OTOF: variants seen among roughly 807,000 people sequenced by gnomAD.
OTOF encodes fer-1-like family member 2.
In OTOF, 218 loss-of-function variants were observed where a neutral mutation model predicts 236.8. That is an observed-to-expected ratio of 0.92 (90% CI 0.82 to 1.03). The LOEUF (loss-of-function observed/expected upper bound fraction) is 1.03, where lower values mean the gene tolerates loss of function less well. OTOF is among the 50% of genes least tolerant of loss of function. OTOF has a pLI of 0.00. For synonymous variants in OTOF, 1,041 were observed against 1,072.5 expected (o/e 0.97, Z 0.57); for missense variants, 2,590 against 2,694.4 (o/e 0.96, Z 0.86).
At position 26,558,658 on chromosome 2, in the gene OTOF, C is replaced by T; in HGVS notation, c.-87G>A. On this transcript the variant is annotated 5_prime_UTR_variant, in exon 1 of 47. Coordinates refer to ENST00000272371, the MANE Select transcript of OTOF (RefSeq NM_194248.3). ...CACGGCTCACACGCCTCTCTCTTCT[C>T]TGCCGCTGCCTCCTCCTCCTCCTCC... is the stretch of plus-strand genomic sequence containing the variant. 8.7e-7 allele frequency: 1 copy of T among 1,152,972 alleles called. No homozygotes were observed. Among genetic ancestry groups the T allele is most frequent in the Non-Finnish European group, 1.3e-6 (1 of 768,200 alleles). 71.4% of individuals were successfully genotyped at this position (1,152,972 alleles called of 1,614,324 possible).
intron 2 of OTOF, among the ~76,000 whole-genome samples, chr2:26,536,973 G>T (rs985343789): frequency 7.2e-5 from 11 of 152,196 alleles, no homozygotes; most frequent in African/African-American, 2.4e-4. Context: ...GCCAGGTACC[G>T]AGGGGAAGGG....
rs1047075430 is a variant in OTOF at position 26,502,492 on chromosome 2, T to A, written c.584-66A>T. On this transcript the variant is annotated intron_variant, in intron 6 of 46. Coordinates refer to ENST00000272371, the MANE Select transcript of OTOF (RefSeq NM_194248.3). ...GTGAGATAGTGACCATTTCTCCTTT[T>A]ACTCTGGCATCCAGAAAGCTGAGAG... 44 of 1,517,182 alleles carry A rather than the reference T, an allele frequency of 2.9e-5. No individual in the cohort carries two copies. The African/African-American group carries it at 5.4e-4, about 19-fold the overall frequency. 94.0% of individuals were successfully genotyped at this position (1,517,182 alleles called of 1,614,324 possible). A position where few individuals can be genotyped will look rare whatever the true frequency, so the allele number is the denominator to read the frequency against.
At chr2:26,466,202 A>C in intron 36 of OTOF, 126 bp from the exon 37 acceptor site, 2 of 1,219,828 alleles carry the variant, frequency 1.6e-6, no homozygotes, top group South Asian at 2.6e-5. Flanking sequence ...ACCCCTCAGG[A>C]GGCTTGCTGT....
chr2:26,506,919 G>A (rs915540986), intron 5 of OTOF, among the ~76,000 whole-genome samples: 24 of 152,152 alleles, frequency 1.6e-4, no homozygotes, highest in African/African-American at 5.8e-4. Context: ...TGAACTAGGA[G>A]GCGGAGGTTG....
chr2:26,537,827 C>A, intron 1 of OTOF, 53 bp from the exon 2 acceptor site: 1 of 1,343,792 alleles, frequency 7.4e-7, no homozygotes, highest in Non-Finnish European at 1.0e-6. Context: ...AGACGATGAG[C>A]ATGGGGTCAG....
At chr2:26,536,465 A>T (rs547179616) in intron 2 of OTOF, among the ~76,000 whole-genome samples, 1 of 152,144 alleles carries the variant, frequency 6.6e-6, no homozygotes, top group African/African-American at 2.4e-5. Flanking sequence ...GTGGTTGGGG[A>T]GGGTGTGGTG....
At chr2:26,497,146 C>T (rs1428227152) in intron 8 of OTOF, among the ~76,000 whole-genome samples, 11 of 140,472 alleles carry the variant, frequency 7.8e-5, no homozygotes, top group East Asian at 2.1e-4. Context: ...TCTGTTGCCC[C>T]GGCTGGAGTG....
chr2:26,552,232 A>G (rs1353325424), intron 1 of OTOF, among the ~76,000 whole-genome samples: 1 of 152,158 alleles, frequency 6.6e-6, no homozygotes, highest in Non-Finnish European at 1.5e-5. Flanking sequence ...TCTACTAAAA[A>G]TACAAAAATT....
At chr2:26,515,938 G>A (rs1666512776) in intron 5 of OTOF, among the ~76,000 whole-genome samples, 1 of 152,246 alleles carries the variant, frequency 6.6e-6, no homozygotes, top group Non-Finnish European at 1.5e-5. Context: ...CTTCTCAAGA[G>A]GAAGAAAGGC....
In OTOF at chr2:26,484,531, C is replaced by T. The variant is rs1665653965; in HGVS notation, c.1148G>A (p.Gly383Glu). ...CTTGTGGGGCGTCTTGATGTTGTCC[C>T]CTTTGCCCACCACGGCAACGTCACA... ...VKCDVAVVGK[G>E]DNIKTPHKAN... Residue 383 changes from glycine to glutamate, a missense_variant, in exon 12 of 47, where the codon GGG (glycine) becomes GAG (glutamate). Around this residue, in one of 2 missense-constraint regions of OTOF, gnomAD observed 1,379 missense variants for 1,341.6 expected, o/e 1.03. Transcript: ENST00000272371. 1 of 1,614,032 alleles carries T rather than the reference C, an allele frequency of 6.2e-7. No individual in the cohort carries two copies. Among genetic ancestry groups the T allele is most frequent in the Non-Finnish European group, 8.5e-7 (1 of 1,180,022 alleles).
chr2:26,503,684 G>T, intron 6 of OTOF, 88 bp downstream of exon 6: 2 of 1,168,192 alleles, frequency 1.7e-6, no homozygotes, highest in Non-Finnish European at 1.3e-6. Flanking sequence ...TCCCAGGAGG[G>T]CCTTTTGGCA....
In OTOF at chr2:26,467,412, C is replaced by A. The variant is rs1468822048; in HGVS notation, c.4180G>T (p.Gly1394Trp). ...TTCTTCTTCTCGGGGGCCTCGGACCCCTGGCCAGAGCCAGAGCTCTGAGTT... is the reference window on the plus strand; with the variant it reads ...TTCTTCTTCTCGGGGGCCTCGGACCACTGGCCAGAGCCAGAGCTCTGAGTT... ...KKTQSSGSGQ[G>W]SEAPEKKKPK... Residue 1394 changes from glycine (G) to tryptophan (W), a missense_variant, in exon 34 of 47, where the codon GGG (glycine) becomes TGG (tryptophan). Gly to Trp is a radical substitution (Grantham distance 184). Around this residue, in one of 2 missense-constraint regions of OTOF, gnomAD observed 1,211 missense variants for 1,352.8 expected, o/e 0.90. Coordinates refer to ENST00000272371, the MANE Select transcript of OTOF (RefSeq NM_194248.3). The A allele has an allele frequency of 6.2e-7, 1 of 1,614,026 alleles. No homozygotes were observed. Among genetic ancestry groups the A allele is most frequent in the Admixed American group, 1.7e-5 (1 of 60,018 alleles).
intron 25 of OTOF, 69 bp from the exon 26 acceptor site, chr2:26,474,743 T>C: frequency 6.4e-7 from 1 of 1,554,730 alleles, no homozygotes; most frequent in Non-Finnish European, 8.9e-7. Context: ...GTTTGGTCCT[T>C]ACCACAGCGC....
chr2:26,487,039 C>T (rs1014503460), intron 11 of OTOF, among the ~76,000 whole-genome samples: 2 of 152,162 alleles, frequency 1.3e-5, no homozygotes, highest in South Asian at 2.1e-4. Context: ...CCCGTCCTCA[C>T]CCCCAACAGA....
chr2:26,556,133 C>A (rs1485682488), intron 1 of OTOF, among the ~76,000 whole-genome samples: 1 of 152,190 alleles, frequency 6.6e-6, no homozygotes, highest in East Asian at 1.9e-4. Flanking sequence ...CACAGCTCAC[C>A]AAGGGCTCCC....
intron 8 of OTOF, among the ~76,000 whole-genome samples, chr2:26,498,962 G>A (rs1042806331): frequency 6.6e-6 from 1 of 152,150 alleles, no homozygotes; most frequent in Non-Finnish European, 1.5e-5. Flanking sequence ...ATGAGGGCAG[G>A]GAGACCAGGT....
intron 2 of OTOF, among the ~76,000 whole-genome samples, chr2:26,533,436 C>G (rs534905927): frequency 6.6e-6 from 1 of 152,242 alleles, no homozygotes; most frequent in Non-Finnish European, 1.5e-5. Flanking sequence ...CTCTGTCTCT[C>G]TCTCTCTGTT....
intron 25 of OTOF, 50 bp downstream of exon 25, chr2:26,475,309 G>T: frequency 6.2e-7 from 1 of 1,607,366 alleles, no homozygotes; most frequent in Non-Finnish European, 8.5e-7. Context: ...CAGGGAACAA[G>T]GGCCAGGTGT....
rs144259658 is a variant in OTOF at position 26,479,606 on chromosome 2, G to A, written c.1960C>T (p.Arg654Trp). 1.2e-4 allele frequency: 189 copies of A among 1,612,612 alleles called. No individual in the cohort carries two copies. Among genetic ancestry groups the A allele is most frequent in the African/African-American group, 2.1e-4 (16 of 75,062 alleles). Residue 654 changes from arginine (R) to tryptophan (W), a missense_variant, in exon 17 of 47, where the codon CGG becomes TGG. Physicochemically the swap from Arg to Trp is moderately radical, Grantham distance 101 (BLOSUM62 -3). This residue lies in a region of OTOF where 1,379 missense variants were observed against 1,341.6 expected (regional missense o/e 1.03). Coordinates refer to ENST00000272371, the MANE Select transcript of OTOF (RefSeq NM_194248.3). ...VDGLSRPQRP[R>W]PRKEPGDEEE... ...TCATCCCCCGGCTCCTTCCGGGGCC[G>A]AGGCCGCTGGGGCCGGGACAGGCCA...
Sources: gnomAD v4.1 joint callset for allele counts (sites outside exome capture counted in the v4.1 genomes callset) on GRCh38, gnomAD v4.1.1 for gene constraint, gnomAD v4.1.1 regional missense constraint, MANE v1.5 for transcripts, NCBI Gene and HGNC (gene_info 2026-07-23, HGNC 2026-07-21) for gene names.